AGO1: variants seen among roughly 807,000 people sequenced by gnomAD.
AGO1 encodes protein argonaute-1.
In AGO1, 11 loss-of-function variants were observed where a neutral mutation model predicts 109.2. That is an observed-to-expected ratio of 0.10 (90% CI 0.06 to 0.17). The LOEUF (loss-of-function observed/expected upper bound fraction) is 0.17, where lower values mean the gene tolerates loss of function less well. Among genes scored for constraint, AGO1 ranks in the 10% least tolerant of loss-of-function variants. The pLI is 1.00. For missense variants in AGO1, 574 were observed against 1,140.3 expected (o/e 0.50, Z 7.15); for synonymous variants, 422 against 418.6 (o/e 1.01, Z -0.10).
In AGO1 at chr1:35,919,442, A is replaced by T; in HGVS notation, c.2466-57A>T. 6.5e-7 allele frequency: 1 copy of T among 1,540,266 alleles called. No individual in the cohort carries two copies. Among genetic ancestry groups the T allele is most frequent in the Non-Finnish European group, 8.8e-7 (1 of 1,130,294 alleles). On this transcript the variant is annotated intron_variant, in intron 18 of 18. Coordinates refer to ENST00000373204, the MANE Select transcript of AGO1 (RefSeq NM_012199.5). This position sits in a 1 kb window ranked among gnomAD's most constrained non-coding sequence, Gnocchi z 6.6. ...TTGGCATCCCAGGGCTGGGCGAGGGAATTAGCAGCAGCTCTCAGTTCACCA... is the reference window on the plus strand; with the variant it reads ...TTGGCATCCCAGGGCTGGGCGAGGGTATTAGCAGCAGCTCTCAGTTCACCA...
In AGO1 at chr1:35,903,131, C is replaced by G. The variant is rs910660815; in HGVS notation, c.1397+794C>G. On this transcript the variant is annotated intron_variant, in intron 11 of 18. Coordinates refer to ENST00000373204, the MANE Select transcript of AGO1 (RefSeq NM_012199.5). Reference sequence around the variant, plus strand: ...ACGCCATTCTCCTGCCTCAGCCTCCCGAGTAGCTGGGACCACAGGCGCCCG... The same window carrying G: ...ACGCCATTCTCCTGCCTCAGCCTCCGGAGTAGCTGGGACCACAGGCGCCCG... Among the ~76,000 whole-genome samples, 148 of 151,566 alleles carry G rather than the reference C, an allele frequency of 9.8e-4. 2 individuals are homozygous for G. Among genetic ancestry groups the G allele is most frequent in the African/African-American group, 3.4e-3 (142 of 41,232 alleles).
Position 35,893,996 on chromosome 1 carries a change from G to A in AGO1, c.650-41G>A. The A allele has an allele frequency of 6.6e-7, 1 of 1,524,150 alleles. No homozygotes were observed. The allele number at this position is 1,524,150 out of a possible 1,614,324, so 94.4% of individuals were successfully genotyped here. On this transcript the variant is annotated intron_variant, in intron 5 of 18. Coordinates refer to ENST00000373204, the MANE Select transcript of AGO1 (RefSeq NM_012199.5). The surrounding 1 kb of genome is among the most constrained non-coding windows in gnomAD (Gnocchi z 5.6). ...TGCTGTGCCTCCATGTATTGTGGAA[G>A]ACAGAACCTGAGCTGAGCTATCTTT...
At chr1:35,908,836 T>G (rs994487505) in intron 12 of AGO1, among the ~76,000 whole-genome samples, 9 of 147,388 alleles carry the variant, frequency 6.1e-5, no homozygotes, top group Non-Finnish European at 1.1e-4. Flanking sequence ...TTTTTTTTTT[T>G]GAGACGGAGT....
At chr1:35,908,742 GTTC>G (rs368958569) in intron 12 of AGO1, among the ~76,000 whole-genome samples, 33 of 149,692 alleles carry the variant, frequency 2.2e-4, no homozygotes, top group South Asian at 4.2e-4. Context: ...CACCTTCATT[GTTC>G]TTCTTCAAAT....
intron 2 of AGO1, among the ~76,000 whole-genome samples, chr1:35,889,533 A>G (rs903875201): frequency 2.6e-5 from 4 of 151,244 alleles, no homozygotes; most frequent in East Asian, 2.0e-4. Context: ...TCTTTAATTA[A>G]TTTTATTATT....
chr1:35,904,608 C>T (rs1458981620), intron 11 of AGO1, among the ~76,000 whole-genome samples: 2 of 152,104 alleles, frequency 1.3e-5, no homozygotes, highest in African/African-American at 2.4e-5. Context: ...CACCAGTAAA[C>T]CCAGAAACTC....
intron 1 of AGO1, among the ~76,000 whole-genome samples, chr1:35,872,823 T>G (rs1176034202): frequency 1.3e-5 from 2 of 152,180 alleles, no homozygotes; most frequent in Non-Finnish European, 2.9e-5. Context: ...TTCTCCCACT[T>G]CAGTCTCCCA....
chr1:35,878,998 G>C (rs1435153783), upstream of AGO1, among the ~76,000 whole-genome samples: 2 of 151,914 alleles, frequency 1.3e-5, no homozygotes, highest in East Asian at 3.9e-4. Context: ...GTATAGAGAA[G>C]ATATCTAAGT....
chr1:35,915,036 C>CTAAGGTTTAG (rs1557621711), intron 14 of AGO1, among the ~76,000 whole-genome samples: 1 of 152,096 alleles, frequency 6.6e-6, no homozygotes, highest in Non-Finnish European at 1.5e-5. Context: ...TCACATGCTC[C>CTAAGGTTTAG]TCTGCAAAGG....
chr1:35,895,393 C>A, intron 8 of AGO1, 124 bp downstream of exon 8: 1 of 1,121,358 alleles, frequency 8.9e-7, no homozygotes, highest in Non-Finnish European at 1.2e-6. Flanking sequence ...TGAGGTAGTT[C>A]TCCTGTGAAA....
chr1:35,901,884 C>T lies in AGO1; in HGVS notation c.1141-64C>T. 6.5e-7 allele frequency: 1 copy of T among 1,530,706 alleles called. No homozygotes were observed. Among genetic ancestry groups the T allele is most frequent in the Non-Finnish European group, 8.8e-7 (1 of 1,140,138 alleles). 94.8% of individuals were successfully genotyped at this position (1,530,706 alleles called of 1,614,324 possible). A position where few individuals can be genotyped will look rare whatever the true frequency, so the allele number is the denominator to read the frequency against. On this transcript the variant is annotated intron_variant, in intron 9 of 18. Transcript: ENST00000373204. The surrounding 1 kb of genome is among the most constrained non-coding windows in gnomAD (Gnocchi z 4.8). ...TCTCCTTAGGGTTCTCTCCTTGATACCCAGAGGGTGAGCAGTATTGCCAAG... is the reference window on the plus strand; with the variant it reads ...TCTCCTTAGGGTTCTCTCCTTGATATCCAGAGGGTGAGCAGTATTGCCAAG...
rs1371743303 is a variant in AGO1 at position 35,930,143 on chromosome 1, G to A, written c.*10536G>A. On this transcript the variant is annotated 3_prime_UTR_variant, in exon 19 of 19. Transcript: ENST00000373204. ...CCTAATATTTGCCTGACATTCAAGT[G>A]AGGTGGGGGGCACACAAGTAGTAAA... 6.6e-6 allele frequency: 1 copy of A among 152,212 alleles called. No homozygotes were observed. The highest frequency in any genetic ancestry group is 1.5e-5 in the Non-Finnish European group (1 of 68,046). 9.4% of individuals were successfully genotyped at this position (152,212 alleles called of 1,614,324 possible).
intron 15 of AGO1, among the ~76,000 whole-genome samples, chr1:35,917,053 G>T (rs887915226): frequency 1.3e-5 from 2 of 152,136 alleles, no homozygotes; most frequent in Non-Finnish European, 2.9e-5. Flanking sequence ...ACGGCCACAG[G>T]CAACTATTGC....
At position 35,883,260 on chromosome 1, in the gene AGO1, G is replaced by A. The variant is rs1323203976; in HGVS notation, c.-162G>A. 2.6e-5 allele frequency: 35 copies of A among 1,354,750 alleles called. No individual in the cohort carries two copies. Among genetic ancestry groups the A allele is most frequent in the Non-Finnish European group, 3.2e-5 (34 of 1,052,460 alleles). The allele number at this position is 1,354,750 out of a possible 1,614,324, so 83.9% of individuals were successfully genotyped here. ...TGGGAGCTGCTGCAGGCTCCGCGGC[G>A]GCGGCAACGGAGGCTGCGGGGGCGG... is the stretch of plus-strand genomic sequence containing the variant. On this transcript the variant is annotated 5_prime_UTR_variant, in exon 1 of 19. Transcript: ENST00000373204. The surrounding 1 kb of genome is among the most constrained non-coding windows in gnomAD (Gnocchi z 5.4).
rs1645684639 is a variant in AGO1 at position 35,913,770 on chromosome 1, A to G, written c.1583-72A>G. On this transcript the variant is annotated intron_variant, in intron 12 of 18. Coordinates refer to ENST00000373204, the MANE Select transcript of AGO1 (RefSeq NM_012199.5). ...TATTGTGTTCCCTAGCACCTCATACACTGCCTGGCATCTAGTAGGCATTCA... is the reference window on the plus strand; with the variant it reads ...TATTGTGTTCCCTAGCACCTCATACGCTGCCTGGCATCTAGTAGGCATTCA... 6 of 1,517,764 alleles carry G rather than the reference A, an allele frequency of 4.0e-6. No individual in the cohort carries two copies. In the East Asian group the frequency reaches 1.4e-4, roughly 34 times the overall value. 94.0% of individuals were successfully genotyped at this position (1,517,764 alleles called of 1,614,324 possible). A position where few individuals can be genotyped will look rare whatever the true frequency, so the allele number is the denominator to read the frequency against.
intron 11 of AGO1, among the ~76,000 whole-genome samples, chr1:35,904,491 C>G (rs1035550029): frequency 6.6e-6 from 1 of 152,206 alleles, no homozygotes; most frequent in Non-Finnish European, 1.5e-5. Context: ...GTGCCATAGT[C>G]ACTTCATTGT....
chr1:35,919,676 TC>T lies in AGO1; in HGVS notation c.*71del. On this transcript the variant is annotated 3_prime_UTR_variant, in exon 19 of 19. Transcript: ENST00000373204. The surrounding 1 kb of genome is among the most constrained non-coding windows in gnomAD (Gnocchi z 6.6). ...AGCCCCAGGAGCTGTGCCACCCAAA[TC>T]CAGAGGAAGCAAGGAGGAGGGAGGT... 6.8e-7 allele frequency: 1 copy of T among 1,464,360 alleles called. No individual in the cohort carries two copies. The highest frequency in any genetic ancestry group is 9.4e-7 in the Non-Finnish European group (1 of 1,067,976). 90.7% of individuals were successfully genotyped at this position (1,464,360 alleles called of 1,614,324 possible).
In AGO1 at chr1:35,928,360, A is replaced by G; in HGVS notation, c.*8753A>G. The G allele has an allele frequency of 6.6e-6, 1 of 152,348 alleles. No individual in the cohort carries two copies. The highest frequency in any genetic ancestry group is 1.5e-5 in the Non-Finnish European group (1 of 68,092). The allele number at this position is 152,348 out of a possible 1,614,324, so 9.4% of individuals were successfully genotyped here. ...CAGTCTCATGATCGCGGCTCACTGC[A>G]GTTTCTGCCTCCTGGGCTCAAGCAA... On this transcript the variant is annotated 3_prime_UTR_variant, in exon 19 of 19. Coordinates refer to ENST00000373204, the MANE Select transcript of AGO1 (RefSeq NM_012199.5).
upstream of AGO1, among the ~76,000 whole-genome samples, chr1:35,879,521 G>A (rs989183601): frequency 3.3e-5 from 5 of 151,730 alleles, no homozygotes; most frequent in Admixed American, 1.3e-4. Context: ...ATTTTGGGAG[G>A]CCGAGGTGGG....
Sources: allele counts gnomAD v4.1 joint callset (sites outside exome capture counted in the v4.1 genomes callset), GRCh38; gene constraint gnomAD v4.1.1; non-coding constraint Gnocchi (gnomAD v3.1); transcripts MANE v1.5; gene names NCBI Gene and HGNC (gene_info 2026-07-23, HGNC 2026-07-21).